ECM2: variants seen among roughly 807,000 people sequenced by gnomAD.
ECM2 encodes the protein extracellular matrix protein 2, also known as extracellular matrix protein 2, female organ and adipocyte specific.
A neutral mutation model predicts 67.5 loss-of-function variants in ECM2; 57 were observed. That is an observed-to-expected ratio of 0.84 (90% CI 0.68 to 1.05). ECM2 has a LOEUF of 1.05. ECM2 is among the 50% of genes least tolerant of loss of function. The probability of loss-of-function intolerance (pLI) is 0.00; values close to 1 mark genes in which losing one functional copy is unlikely to be tolerated. For synonymous variants in ECM2, 258 were observed against 294.5 expected (o/e 0.88, Z 1.27); for missense variants, 741 against 822.8 (o/e 0.90, Z 1.22).
the ECM2 span, among the ~76,000 whole-genome samples, chr9:92,556,058 C>T: frequency 2.6e-5 from 4 of 152,236 alleles, no homozygotes; most frequent in East Asian, 7.7e-4. Context: ...CACCACTTTG[C>T]TATATCCCAG....
At chr9:92,511,842 A>G (rs1847363300) in intron 5 of ECM2, among the ~76,000 whole-genome samples, 169 bp downstream of exon 5, 1 of 152,262 alleles carries the variant, frequency 6.6e-6, no homozygotes, top group Non-Finnish European at 1.5e-5. Flanking sequence ...ATAGTAAACT[A>G]TATTCAAGGG....
intron 1 of ECM2, among the ~76,000 whole-genome samples, chr9:92,530,485 ATATC>A (rs1446818348): frequency 7.9e-5 from 12 of 152,210 alleles, no homozygotes; most frequent in African/African-American, 2.9e-4. Flanking sequence ...AGTAGACAGA[ATATC>A]AATAAGGATT....
chr9:92,503,348 C>G (rs529278056), intron 7 of ECM2, among the ~76,000 whole-genome samples: 2 of 152,274 alleles, frequency 1.3e-5, no homozygotes, highest in South Asian at 4.1e-4. Flanking sequence ...ACAGGGAAGC[C>G]CACCCGTGGT....
At chr9:92,493,668 T>C (rs1261946605), downstream of ECM2, 1 of 154,762 alleles carries the variant, frequency 6.5e-6, no homozygotes, top group Admixed American at 6.5e-5. Context: ...TGAAGAGTGT[T>C]TGCTATAAGG....
At chr9:92,523,915 T>C (rs1490690759) in intron 1 of ECM2, among the ~76,000 whole-genome samples, 1 of 152,228 alleles carries the variant, frequency 6.6e-6, no homozygotes, top group Non-Finnish European at 1.5e-5. Context: ...CCCATATTTT[T>C]ATGGCCAGTT....
rs773854755 is a variant in ECM2, at chr9:92,502,534, G to A, written c.1583C>T (p.Pro528Leu). The A allele has an allele frequency of 1.9e-6, 3 of 1,612,852 alleles. No individual in the cohort carries two copies. Among genetic ancestry groups the A allele is most frequent in the East Asian group, 2.2e-5 (1 of 44,814 alleles). The change falls in exon 8 of 10, where the codon CCT becomes CTT. Residue 528 changes from proline to leucine, a missense_variant. Pro to Leu is a moderately conservative substitution (Grantham distance 98, BLOSUM62 -3). Coordinates refer to ENST00000344604, the MANE Select transcript of ECM2 (RefSeq NM_001393.4). ...TTACTCTTGATTTATCCAGGCTAAA[G>A]GAGCAATCCTATTTTCTTCAATTTT... ...YNKIEENRIA[P>L]LAWINQENLE...
upstream of ECM2, among the ~76,000 whole-genome samples, chr9:92,541,578 T>G (rs1223562863): frequency 6.6e-6 from 1 of 151,780 alleles, no homozygotes. Flanking sequence ...GATCATGCAG[T>G]ATCTGTCTTT....
chr9:92,499,217 T>C (rs930821761), intron 9 of ECM2, among the ~76,000 whole-genome samples: 2 of 152,198 alleles, frequency 1.3e-5, no homozygotes, highest in Non-Finnish European at 1.5e-5. Context: ...TATATATTGA[T>C]TCACCAGAAA....
intron 2 of ECM2, among the ~76,000 whole-genome samples, chr9:92,522,064 G>T (rs1452337376): frequency 6.6e-6 from 1 of 151,656 alleles, no homozygotes; most frequent in Non-Finnish European, 1.5e-5. Flanking sequence ...GTTTTTTGGG[G>T]GTTGTTTTGT....
chr9:92,499,312 A>G (rs1405210421), intron 9 of ECM2, among the ~76,000 whole-genome samples: 1 of 152,194 alleles, frequency 6.6e-6, no homozygotes, highest in African/African-American at 2.4e-5. Flanking sequence ...GAAAGAACTG[A>G]GCTTTTTTCT....
At chr9:92,511,347 A>C (rs1847326940) in intron 5 of ECM2, among the ~76,000 whole-genome samples, 1 of 141,634 alleles carries the variant, frequency 7.1e-6, no homozygotes, top group Admixed American at 6.8e-5. Context: ...GGCTGGTCTC[A>C]AACTCCTGAC....
chr9:92,494,125 CTCTAGAACAGCA>C, downstream of ECM2: 1 of 1,597,790 alleles, frequency 6.3e-7, no homozygotes, highest in Non-Finnish European at 8.5e-7. Context: ...TTGTCACTGT[CTCTAGAACAGCA>C]TCTGAAACAC....
intron 1 of ECM2, chr9:92,527,939 G>A (rs1379683093): frequency 6.5e-6 from 1 of 153,800 alleles, no homozygotes; most frequent in African/African-American, 2.4e-5. Context: ...ATTCCTACTA[G>A]TTTGACAACT....
At chr9:92,510,060 T>C in intron 5 of ECM2, 26 bp from the exon 6 acceptor site, 1 of 1,582,876 alleles carries the variant, frequency 6.3e-7, no homozygotes, top group South Asian at 1.2e-5. Context: ...TCAAAGTTAC[T>C]TTTTTATCTA....
chr9:92,513,222 T>A (rs1295820249), intron 4 of ECM2, among the ~76,000 whole-genome samples: 1 of 152,148 alleles, frequency 6.6e-6, no homozygotes, highest in Admixed American at 6.5e-5. Context: ...CCCTCCCTGG[T>A]GGTCCTATGG....
intron 1 of ECM2, among the ~76,000 whole-genome samples, chr9:92,526,676 A>T (rs1050067434): frequency 7.9e-5 from 12 of 152,002 alleles, no homozygotes; most frequent in Non-Finnish European, 1.6e-4. Context: ...ACAAAGAAAA[A>T]AAAGAGGAAT....
the ECM2 span, among the ~76,000 whole-genome samples, chr9:92,546,442 A>G: frequency 6.6e-6 from 1 of 152,130 alleles, no homozygotes; most frequent in African/African-American, 2.4e-5. Flanking sequence ...CTCATGGGGG[A>G]AGATCTGCAG....
At chr9:92,540,472 T>C (rs1361151784), upstream of ECM2, among the ~76,000 whole-genome samples, 2 of 146,336 alleles carry the variant, frequency 1.4e-5, no homozygotes, top group Non-Finnish European at 3.0e-5. Flanking sequence ...TATAAAAACA[T>C]CTTAAAATAA....
chr9:92,514,440 A>G, intron 4 of ECM2, among the ~76,000 whole-genome samples, 191 bp downstream of exon 4: 1 of 151,930 alleles, frequency 6.6e-6, no homozygotes, highest in Admixed American at 6.6e-5. Flanking sequence ...ACGCCCGGCT[A>G]ATTTTTGTAT....
Sources: allele counts gnomAD v4.1 joint callset (sites outside exome capture counted in the v4.1 genomes callset), GRCh38; gene constraint gnomAD v4.1.1; transcripts MANE v1.5; gene names NCBI Gene and HGNC (gene_info 2026-07-23, HGNC 2026-07-21).